GRIA3: variants seen among roughly 807,000 people sequenced by gnomAD.
GRIA3 encodes glutamate ionotropic receptor AMPA type subunit 3.
In GRIA3, 3 loss-of-function variants were observed where a neutral mutation model predicts 63.0. The ratio of observed to expected loss-of-function variants is 0.05; its 90% CI spans 0.02 to 0.12. The LOEUF (loss-of-function observed/expected upper bound fraction) is 0.12, where lower values mean the gene tolerates loss of function less well. GRIA3 is among the 10% of genes least tolerant of loss of function. The pLI is 1.00. For missense variants in GRIA3, 347 were observed against 700.9 expected (o/e 0.50, Z 5.70); for synonymous variants, 274 against 257.9 (o/e 1.06, Z -0.60).
chrX:123,186,280 C>G (rs1251692384), intron 2 of GRIA3, among the ~76,000 whole-genome samples: 1 of 109,908 alleles, frequency 9.1e-6, no homozygotes, highest in Admixed American at 9.7e-5. Context: ...TTCTCCAACA[C>G]TCTCTCTCTT....
intron 4 of GRIA3, among the ~76,000 whole-genome samples, chrX:123,340,883 C>T (rs190398981): frequency 8.9e-5 from 10 of 111,891 alleles, no homozygotes; most frequent in African/African-American, 2.9e-4. Flanking sequence ...CTCCCTGCCA[C>T]GGATGGGTGT....
chrX:123,396,235 T>TAATAAA (rs2045413044), intron 6 of GRIA3, among the ~76,000 whole-genome samples: 2 of 105,620 alleles, frequency 1.9e-5, no homozygotes, highest in African/African-American at 6.9e-5. Flanking sequence ...ATAATAATAA[T>TAATAAA]GATGATAAGG....
chrX:123,292,820 A>T (rs1331338593), intron 3 of GRIA3, among the ~76,000 whole-genome samples: 6 of 111,288 alleles, frequency 5.4e-5, no homozygotes, highest in Admixed American at 1.9e-4. Context: ...GGAATACAAA[A>T]CTGTCTACCA....
intron 4 of GRIA3, among the ~76,000 whole-genome samples, chrX:123,332,565 T>C (rs2044948515): frequency 9.0e-6 from 1 of 111,400 alleles, no homozygotes; most frequent in African/African-American, 3.3e-5. Flanking sequence ...TAATCACTGC[T>C]CTGACTGGCC....
intron 12 of GRIA3, among the ~76,000 whole-genome samples, chrX:123,461,647 G>T (rs5956545): frequency 0.1 from 11,115 of 110,637 alleles, 1,022 homozygotes; most frequent in African/African-American, 0.29. Context: ...TAGGGAACTA[G>T]CCGAGGATTT....
chrX:123,417,442 T>C lies in GRIA3; in HGVS notation c.1541T>C (p.Val514Ala). 1 of 1,201,646 alleles carries C rather than the reference T, an allele frequency of 8.3e-7. No homozygotes were observed. The highest frequency in any genetic ancestry group is 3.0e-5 in the East Asian group (1 of 33,816). ...GTTGCTCCACTCACTATAACATTGG[T>C]CCGTGAAGAAGTCATAGATTTTTCA... Reference protein sequence around the residue: ...IAVAPLTITLVREEVIDFSKP... With the variant: ...IAVAPLTITLAREEVIDFSKP... The change falls in exon 11 of 16, where the codon GTC (valine) becomes GCC (alanine). Residue 514 changes from valine (V) to alanine (A), a missense_variant. Val to Ala is a moderately conservative substitution (Grantham distance 64, BLOSUM62 0). Around this residue, in one of 8 missense-constraint regions of GRIA3, gnomAD observed 7 missense variants for 72.7 expected, o/e 0.10. Transcript: ENST00000620443.
chrX:123,267,810 G>A (rs1198246178), intron 3 of GRIA3, among the ~76,000 whole-genome samples: 1 of 111,786 alleles, frequency 8.9e-6, no homozygotes, highest in Non-Finnish European at 1.9e-5. Context: ...GGCTGAGCAT[G>A]GGAAGTAAGG....
chrX:123,432,403 A>G (rs1163221372), intron 12 of GRIA3, among the ~76,000 whole-genome samples: 2 of 112,481 alleles, frequency 1.8e-5, no homozygotes, highest in Non-Finnish European at 3.8e-5. Flanking sequence ...TATTTATACC[A>G]TAATGGACAA....
intron 8 of GRIA3, 73 bp downstream of exon 8, chrX:123,403,171 GTAT>G: frequency 1.5e-6 from 1 of 654,718 alleles, no homozygotes; most frequent in Non-Finnish European, 2.6e-6. Flanking sequence ...AAGAAAATAA[GTAT>G]TATTATTTTA....
rs199608269 is a variant in GRIA3, at chrX:123,480,185, G to A, written c.2439+8G>A. The A allele has an allele frequency of 1.8e-5, 19 of 1,041,555 alleles. No individual in the cohort carries two copies. Among genetic ancestry groups the A allele is most frequent in the African/African-American group, 7.4e-5 (4 of 53,866 alleles). The allele number at this position is 1,041,555 out of a possible 1,213,427, so 85.8% of individuals were successfully genotyped here. ...AAGGACTCCGGGAGTAAGGTCAGTC[G>A]CTGAAGGTCTTTTTGTACTGATTAG... On this transcript the variant is annotated splice_region_variant and intron_variant, in intron 14 of 15. Coordinates refer to ENST00000620443, the MANE Select transcript of GRIA3 (RefSeq NM_007325.5).
chrX:123,421,238 C>T (rs916374750), intron 11 of GRIA3, among the ~76,000 whole-genome samples: 3 of 111,483 alleles, frequency 2.7e-5, no homozygotes, highest in Non-Finnish European at 3.8e-5. Flanking sequence ...GTGTGTCTTT[C>T]GAAATAAATT....
At chrX:123,483,150 T>C (rs2045921126) in intron 15 of GRIA3, 104 bp downstream of exon 15, 1 of 672,932 alleles carries the variant, frequency 1.5e-6, no homozygotes, top group East Asian at 3.3e-5. Flanking sequence ...GTTCAAAGCA[T>C]TGTCTCTTTG....
At chrX:123,351,143 C>T (rs1333726375) in intron 4 of GRIA3, among the ~76,000 whole-genome samples, 5 of 111,993 alleles carry the variant, frequency 4.5e-5, no homozygotes, top group African/African-American at 1.6e-4. Context: ...CTTTTGGTTA[C>T]CAGAGTCATT....
intron 14 of GRIA3, 148 bp from the exon 15 acceptor site, chrX:123,482,651 T>C (rs1473669987): frequency 7.9e-6 from 5 of 630,409 alleles, no homozygotes; most frequent in Non-Finnish European, 1.3e-5. Flanking sequence ...TGCAAAACAT[T>C]AGCCAGTTGC....
intron 5 of GRIA3, among the ~76,000 whole-genome samples, chrX:123,382,974 A>C (rs1449178829): frequency 8.9e-6 from 1 of 111,863 alleles, no homozygotes; most frequent in Non-Finnish European, 1.9e-5. Flanking sequence ...TCTCTCAAGA[A>C]AGATGGCTCT....
At chrX:123,288,991 T>C (rs113224177) in intron 3 of GRIA3, among the ~76,000 whole-genome samples, 6 of 111,981 alleles carry the variant, frequency 5.4e-5, no homozygotes, top group African/African-American at 2.0e-4. Flanking sequence ...GCAGCACTAT[T>C]CACAATAGCA....
At chrX:123,297,674 T>G (rs949811357) in intron 3 of GRIA3, among the ~76,000 whole-genome samples, 1 of 111,815 alleles carries the variant, frequency 8.9e-6, no homozygotes, top group Non-Finnish European at 1.9e-5. Flanking sequence ...GGTCTGAGTT[T>G]GAATCCTACC....
intron 4 of GRIA3, among the ~76,000 whole-genome samples, chrX:123,335,832 A>T (rs778074156): frequency 8.9e-6 from 1 of 112,211 alleles, no homozygotes; most frequent in African/African-American, 3.2e-5. Flanking sequence ...CTCTTACTTC[A>T]TATGACTTAC....
At chrX:123,386,220 T>C (rs2045353295) in intron 5 of GRIA3, among the ~76,000 whole-genome samples, 1 of 112,073 alleles carries the variant, frequency 8.9e-6, no homozygotes, top group Admixed American at 9.5e-5. Context: ...TTCATACACC[T>C]ATTGGCAATC....
Sources: gnomAD v4.1 joint callset for allele counts (sites outside exome capture counted in the v4.1 genomes callset) on GRCh38, gnomAD v4.1.1 for gene constraint, gnomAD v4.1.1 regional missense constraint, MANE v1.5 for transcripts, NCBI Gene and HGNC (gene_info 2026-07-23, HGNC 2026-07-21) for gene names.